ALPK1: variants seen among roughly 807,000 people sequenced by gnomAD.
ALPK1 encodes alpha-protein kinase 1.
A neutral mutation model predicts 120.6 loss-of-function variants in ALPK1; 110 were observed. The observed-to-expected ratio is 0.91, with a 90% CI of 0.78 to 1.07. The LOEUF (loss-of-function observed/expected upper bound fraction) is 1.07. Ranked by LOEUF, ALPK1 falls within the 50% of genes least tolerant of loss-of-function variation. The probability of loss-of-function intolerance (pLI) is 0.00; values close to 1 mark genes in which losing one functional copy is unlikely to be tolerated. For synonymous variants in ALPK1, 582 were observed against 560.3 expected, an observed-to-expected ratio of 1.04 and a Z score of -0.55; for missense variants, 1,498 against 1,483.9, an observed-to-expected ratio of 1.01 and a Z score of -0.16.
chr4:112,339,522 T>C (rs944755213), intron 2 of ALPK1, among the ~76,000 whole-genome samples: 1 of 152,246 alleles, frequency 6.6e-6, no homozygotes, highest in Non-Finnish European at 1.5e-5. Context: ...GTCTTCTTTA[T>C]AACACTTTTC....
chr4:112,309,384 G>A (rs6855562), intron 1 of ALPK1, among the ~76,000 whole-genome samples: 45,831 of 152,072 alleles, frequency 0.3, 7,514 homozygotes, highest in African/African-American at 0.4. Context: ...CTTGAGCTAC[G>A]GTGGGCTCCA....
chr4:112,437,259 A>G (rs1430517268), intron 12 of ALPK1, among the ~76,000 whole-genome samples: 1 of 148,194 alleles, frequency 6.7e-6, no homozygotes, highest in Non-Finnish European at 1.5e-5. Flanking sequence ...ACTTAGTGCA[A>G]CTCTCTTTTA....
chr4:112,372,488 C>T (rs1020905342), intron 2 of ALPK1, among the ~76,000 whole-genome samples: 2 of 152,104 alleles, frequency 1.3e-5, no homozygotes, highest in East Asian at 3.8e-4. Flanking sequence ...GGATTACAGG[C>T]GTGAGCCACC....
At chr4:112,310,520 T>A (rs1477786282) in intron 1 of ALPK1, among the ~76,000 whole-genome samples, 1 of 152,130 alleles carries the variant, frequency 6.6e-6, no homozygotes, top group African/African-American at 2.4e-5. Flanking sequence ...TCTTGTTCTA[T>A]CAGGTTATTT....
intron 1 of ALPK1, among the ~76,000 whole-genome samples, chr4:112,297,863 CTA>C (rs1304254600): frequency 2.0e-5 from 3 of 152,004 alleles, no homozygotes; most frequent in Non-Finnish European, 4.4e-5. Context: ...AAAAAAAACT[CTA>C]TGACTTTTGC....
At chr4:112,419,814 G>A (rs558586453) in intron 5 of ALPK1, among the ~76,000 whole-genome samples, 16 of 152,250 alleles carry the variant, frequency 1.1e-4, no homozygotes, top group Admixed American at 9.8e-4. Context: ...GGCTGCCTTG[G>A]TTCATATCTT....
At position 112,408,087 on chromosome 4, in the gene ALPK1, A is replaced by G. The variant is rs140894483; in HGVS notation, c.277-3740A>G. ...ACACCACTGCACTCCAGCTTGGGTGACAGAGCAAGGCTTCATCTCAAAAAA... is the reference window on the plus strand; with the variant it reads ...ACACCACTGCACTCCAGCTTGGGTGGCAGAGCAAGGCTTCATCTCAAAAAA... On this transcript the variant is annotated intron_variant, in intron 4 of 15. Transcript: ENST00000650871. 3.9e-3 allele frequency among the ~76,000 whole-genome samples: 594 copies of G among 151,062 alleles called. 10 individuals carry two copies. Among genetic ancestry groups the G allele is most frequent in the Admixed American group, 0.031 (469 of 15,142 alleles).
chr4:112,350,383 C>T (rs887379375), intron 2 of ALPK1, among the ~76,000 whole-genome samples: 2 of 152,160 alleles, frequency 1.3e-5, no homozygotes, highest in African/African-American at 4.8e-5. Flanking sequence ...TTACAATATG[C>T]TTCATGCTGT....
chr4:112,432,757 C>A (rs1309715504), intron 11 of ALPK1, among the ~76,000 whole-genome samples, 176 bp downstream of exon 11: 2 of 152,120 alleles, frequency 1.3e-5, no homozygotes, highest in African/African-American at 4.8e-5. Flanking sequence ...TGCGATGGAC[C>A]TTAATGGTTG....
At chr4:112,395,661 A>G (rs1732616028) in intron 4 of ALPK1, among the ~76,000 whole-genome samples, 1 of 152,206 alleles carries the variant, frequency 6.6e-6, no homozygotes. Context: ...GGCATGAGAA[A>G]CTTTTTGTTC....
intron 2 of ALPK1, among the ~76,000 whole-genome samples, chr4:112,339,182 C>CTCA: frequency 6.6e-6 from 1 of 152,118 alleles, no homozygotes; most frequent in Non-Finnish European, 1.5e-5. Flanking sequence ...CAAGGTTATC[C>CTCA]AAATGAGGGA....
intron 2 of ALPK1, among the ~76,000 whole-genome samples, chr4:112,363,777 G>T (rs1731017642): frequency 6.6e-6 from 1 of 152,120 alleles, no homozygotes; most frequent in Non-Finnish European, 1.5e-5. Flanking sequence ...ATCAGTGCAT[G>T]GAACTTTCTC....
At chr4:112,420,030 A>G (rs1198879504) in intron 5 of ALPK1, among the ~76,000 whole-genome samples, 1 of 152,212 alleles carries the variant, frequency 6.6e-6, no homozygotes, top group Non-Finnish European at 1.5e-5. Context: ...CTCTTAGCAC[A>G]GTCCCTGGCA....
intron 3 of ALPK1, 44 bp downstream of exon 3, chr4:112,377,942 A>T (rs1731740768): frequency 6.4e-7 from 1 of 1,569,348 alleles, no homozygotes; most frequent in Non-Finnish European, 8.7e-7. Context: ...CAGCAGGTTC[A>T]CTCTCCTGTC....
chr4:112,432,690 T>C, intron 11 of ALPK1, 109 bp downstream of exon 11: 2 of 989,054 alleles, frequency 2.0e-6, no homozygotes, highest in Admixed American at 2.5e-5. Context: ...TATAGAACCC[T>C]GGTATGCTTT....
intron 4 of ALPK1, among the ~76,000 whole-genome samples, chr4:112,387,111 T>A (rs1439574377): frequency 6.6e-6 from 1 of 152,156 alleles, no homozygotes; most frequent in East Asian, 1.9e-4. Flanking sequence ...GCCATGGCGG[T>A]GGAGTGCTAG....
At chr4:112,310,911 G>A (rs959759780) in intron 1 of ALPK1, among the ~76,000 whole-genome samples, 3 of 151,738 alleles carry the variant, frequency 2.0e-5, no homozygotes, top group African/African-American at 7.3e-5. Flanking sequence ...AACTTTGGGA[G>A]AGCGGAAGTA....
At chr4:112,354,263 A>G (rs959785809) in intron 2 of ALPK1, among the ~76,000 whole-genome samples, 1 of 151,892 alleles carries the variant, frequency 6.6e-6, no homozygotes, top group African/African-American at 2.4e-5. Context: ...TTAAAAATTT[A>G]TTTCCTAATG....
chr4:112,326,597 G>A (rs1481138153), intron 2 of ALPK1, among the ~76,000 whole-genome samples: 1 of 152,114 alleles, frequency 6.6e-6, no homozygotes, highest in Non-Finnish European at 1.5e-5. Context: ...CCCACATGAG[G>A]ACTGTCTGCA....
Sources: allele counts gnomAD v4.1 joint callset (sites outside exome capture counted in the v4.1 genomes callset), GRCh38; gene constraint gnomAD v4.1.1; transcripts MANE v1.5; gene names NCBI Gene and HGNC (gene_info 2026-07-23, HGNC 2026-07-21).